BTBD9: variants seen among roughly 807,000 people sequenced by gnomAD.
The protein encoded by BTBD9 is BTB/POZ domain-containing protein 9.
In BTBD9, 49 loss-of-function variants were observed where a neutral mutation model predicts 64.3. That is an observed-to-expected ratio of 0.76 (90% CI 0.61 to 0.97). The LOEUF (loss-of-function observed/expected upper bound fraction) is 0.97, where lower values mean the gene tolerates loss of function less well. Ranked by LOEUF, BTBD9 falls within the 50% of genes least tolerant of loss-of-function variation. The pLI is 0.00. For missense variants in BTBD9, 598 were observed against 762.1 expected (o/e 0.78, Z 2.53); for synonymous variants, 260 against 274.7 (o/e 0.95, Z 0.53).
intron 7 of BTBD9, among the ~76,000 whole-genome samples, chr6:38,329,553 C>A (rs1379029366): frequency 6.6e-6 from 1 of 151,974 alleles, no homozygotes; most frequent in Non-Finnish European, 1.5e-5. Flanking sequence ...AAACTCCTGA[C>A]CTCAAGTGAT....
rs12528726 is a variant in BTBD9, at chr6:38,224,899, A to T, written c.1562+31510T>A. ...AGAACAAAAATGTAATTTCAAGGTAATAAGTATGATGTTGCAGTTCTATAA... is the reference window on the plus strand; with the variant it reads ...AGAACAAAAATGTAATTTCAAGGTATTAAGTATGATGTTGCAGTTCTATAA... On this transcript the variant is annotated intron_variant, in intron 9 of 10. Coordinates refer to ENST00000481247, the MANE Select transcript of BTBD9 (RefSeq NM_001099272.2). Among the ~76,000 whole-genome samples, 394 of 152,358 alleles carry T rather than the reference A, an allele frequency of 2.6e-3. 4 individuals are homozygous for T. The highest frequency in any genetic ancestry group is 7.3e-3 in the Admixed American group (112 of 15,296).
At chr6:38,347,579 C>A (rs1264557732) in intron 6 of BTBD9, among the ~76,000 whole-genome samples, 1 of 152,178 alleles carries the variant, frequency 6.6e-6, no homozygotes, top group Non-Finnish European at 1.5e-5. Context: ...AGCCAAGCTC[C>A]TTTTTCTCAA....
At chr6:38,462,058 T>A (rs928657942) in intron 6 of BTBD9, among the ~76,000 whole-genome samples, 3 of 152,238 alleles carry the variant, frequency 2.0e-5, no homozygotes, top group African/African-American at 4.8e-5. Context: ...ATTCTTCATA[T>A]GTTCTTTATT....
chr6:38,517,573 T>C (rs776608402), intron 6 of BTBD9, among the ~76,000 whole-genome samples: 2 of 152,140 alleles, frequency 1.3e-5, no homozygotes, highest in Non-Finnish European at 2.9e-5. Context: ...CAGAATGACA[T>C]AGCCTGGTCA....
At chr6:38,348,507 T>A (rs926231935) in intron 6 of BTBD9, among the ~76,000 whole-genome samples, 13 of 152,168 alleles carry the variant, frequency 8.5e-5, no homozygotes, top group African/African-American at 3.1e-4. Flanking sequence ...AGTTGGAAGA[T>A]AATTAAAACT....
rs114367362 is a variant in BTBD9, at chr6:38,445,426, G to A, written c.1155-100333C>T. Among the ~76,000 whole-genome samples, 715 of 152,322 alleles carry A rather than the reference G, an allele frequency of 4.7e-3. 1 individual carries two copies. Among genetic ancestry groups the A allele is most frequent in the Non-Finnish European group, 8.1e-3 (551 of 68,038 alleles). On this transcript the variant is annotated intron_variant, in intron 6 of 10. Coordinates refer to ENST00000481247, the MANE Select transcript of BTBD9 (RefSeq NM_001099272.2). ...GCTGGAGAAAGTCAAAGTCTACCAG[G>A]AAGGGAAGTGACCAACCAACCAGTG...
rs70981534 is a variant in BTBD9, at chr6:38,287,109, TACACACAC to T, written c.1454+1155_1454+1162del. 1.7e-4 allele frequency among the ~76,000 whole-genome samples: 15 copies of T among 87,020 alleles called. 1 individual carries two copies. Among genetic ancestry groups the T allele is most frequent in the Admixed American group, 3.5e-4 (2 of 5,766 alleles). 57.1% of individuals were successfully genotyped at this position (87,020 alleles called of 152,430 possible). ...AAAAAAAAAAAAAAAAAAAAAAATA[TACACACAC>T]ACACACACACACACACACACACACA... On this transcript the variant is annotated intron_variant, in intron 8 of 10. Transcript: ENST00000481247.
At chr6:38,416,225 GA>G (rs1767658992) in intron 6 of BTBD9, among the ~76,000 whole-genome samples, 1 of 152,112 alleles carries the variant, frequency 6.6e-6, no homozygotes, top group Non-Finnish European at 1.5e-5. Flanking sequence ...AGATAGTTGG[GA>G]TAACAGGCGT....
At position 38,345,057 on chromosome 6, in the gene BTBD9, G is replaced by A; in HGVS notation, c.1191C>T (p.Asn397=). The A allele has an allele frequency of 6.2e-7, 1 of 1,609,044 alleles. No individual in the cohort carries two copies. Among genetic ancestry groups the A allele is most frequent in the Non-Finnish European group, 8.5e-7 (1 of 1,176,720 alleles). The change falls in exon 7 of 11, where the codon AAC becomes AAT. Residue 397 remains asparagine (N), a synonymous_variant. Coordinates refer to ENST00000481247, the MANE Select transcript of BTBD9 (RefSeq NM_001099272.2). ...CAAAAGCCACAATGTGAAAAATCTTGTTCACTGTGTTGTGAGTCCCAACAA... is the reference window on the plus strand; with the variant it reads ...CAAAAGCCACAATGTGAAAAATCTTATTCACTGTGTTGTGAGTCCCAACAA... ...IRIVGTHNTV[N]KIFHIVAFEC...
chr6:38,522,610 T>C (rs566589023), intron 6 of BTBD9, among the ~76,000 whole-genome samples: 9 of 152,206 alleles, frequency 5.9e-5, no homozygotes, highest in Non-Finnish European at 1.3e-4. Flanking sequence ...TTGCCTCTCT[T>C]GGAGATCTTG....
intron 6 of BTBD9, among the ~76,000 whole-genome samples, chr6:38,464,083 A>G (rs887075082): frequency 6.6e-6 from 1 of 152,154 alleles, no homozygotes; most frequent in Non-Finnish European, 1.5e-5. Context: ...CTCTAATCTG[A>G]GAAGTGTCCT....
In BTBD9 at chr6:38,170,165, C is replaced by T. The variant is rs1037407104; in HGVS notation, c.*4820G>A. The stretch of plus-strand genomic sequence containing the variant: ...GCATTATGCCAGGAACAGGTGTTCC[C>T]TGTACACTTTTTTAAGTGAGTAAAG... On this transcript the variant is annotated 3_prime_UTR_variant, in exon 11 of 11. Coordinates refer to ENST00000481247, the MANE Select transcript of BTBD9 (RefSeq NM_001099272.2). 1 of 152,260 alleles carries T rather than the reference C, an allele frequency of 6.6e-6. No individual in the cohort carries two copies. Among genetic ancestry groups the T allele is most frequent in the African/African-American group, 2.4e-5 (1 of 41,450 alleles). The allele number at this position is 152,260 out of a possible 1,614,324, so 9.4% of individuals were successfully genotyped here.
At chr6:38,252,308 C>T (rs1764429485) in intron 9 of BTBD9, among the ~76,000 whole-genome samples, 1 of 152,200 alleles carries the variant, frequency 6.6e-6, no homozygotes, top group African/African-American at 2.4e-5. Flanking sequence ...GAGCAGACTA[C>T]AATTCTTGAA....
At chr6:38,326,175 G>A (rs1763419369) in intron 7 of BTBD9, among the ~76,000 whole-genome samples, 2 of 152,158 alleles carry the variant, frequency 1.3e-5, no homozygotes, top group Admixed American at 1.3e-4. Flanking sequence ...AAAGTGAGAG[G>A]AAGGATAAGG....
At chr6:38,252,437 G>C (rs1462955657) in intron 9 of BTBD9, among the ~76,000 whole-genome samples, 7 of 152,032 alleles carry the variant, frequency 4.6e-5, no homozygotes, top group Admixed American at 4.6e-4. Flanking sequence ...TAAAAAGGGA[G>C]GTACAATACA....
chr6:38,617,965 A>G (rs1313137762), intron 1 of BTBD9, among the ~76,000 whole-genome samples: 4 of 152,188 alleles, frequency 2.6e-5, no homozygotes, highest in African/African-American at 9.7e-5. Flanking sequence ...TGTGGTGGTT[A>G]AGAGCCACTA....
At chr6:38,402,166 A>C (rs1766956079) in intron 6 of BTBD9, among the ~76,000 whole-genome samples, 2 of 152,234 alleles carry the variant, frequency 1.3e-5, no homozygotes, top group Non-Finnish European at 2.9e-5. Context: ...ATTGAAAACT[A>C]TAAAGTATTG....
chr6:38,612,110 G>C (rs1161796144), intron 1 of BTBD9, among the ~76,000 whole-genome samples: 1 of 152,164 alleles, frequency 6.6e-6, no homozygotes, highest in East Asian at 1.9e-4. Flanking sequence ...GGTGTTTCTA[G>C]ATGGTGCATA....
intron 1 of BTBD9, among the ~76,000 whole-genome samples, chr6:38,626,914 T>C (rs755055695): frequency 6.6e-6 from 1 of 152,192 alleles, no homozygotes; most frequent in Non-Finnish European, 1.5e-5. Flanking sequence ...AAAAACTCAT[T>C]TGGTGATTTC....
Sources: allele counts gnomAD v4.1 joint callset (sites outside exome capture counted in the v4.1 genomes callset), GRCh38; gene constraint gnomAD v4.1.1; transcripts MANE v1.5; gene names NCBI Gene and HGNC (gene_info 2026-07-23, HGNC 2026-07-21).